The following PDE4D variants were observed in gnomAD, a reference collection of about 807,000 sequenced individuals.
PDE4D encodes phosphodiesterase 4D.
A neutral mutation model predicts 87.4 loss-of-function variants in PDE4D; 24 were observed. That is an observed-to-expected ratio of 0.27 (90% CI 0.20 to 0.39). The LOEUF (loss-of-function observed/expected upper bound fraction) is 0.39. PDE4D is among the 10% of genes least tolerant of loss of function. PDE4D has a pLI of 1.00. For synonymous variants in PDE4D, 384 were observed against 383.2 expected, an observed-to-expected ratio of 1.00 and a Z score of -0.02; for missense variants, 714 against 1,041.0, an observed-to-expected ratio of 0.69 and a Z score of 4.32.
rs571286543 is a variant in PDE4D at position 59,097,142 on chromosome 5, G to C, written c.809-58171C>G. 3.9e-5 allele frequency among the ~76,000 whole-genome samples: 6 copies of C among 152,252 alleles called. No individual in the cohort carries two copies. In the East Asian group the frequency reaches 1.2e-3, roughly 29 times the overall value. ...TTATATGGAATTGGCAAATGACAAG[G>C]ATTGTGATCATTGATACATGCAAGT... On this transcript the variant is annotated intron_variant, in intron 5 of 14. Transcript: ENST00000340635.
rs554514433 is a variant in PDE4D, at chr5:60,066,257, C to T, written c.43-77540G>A. 6.6e-3 allele frequency among the ~76,000 whole-genome samples: 1,005 copies of T among 152,096 alleles called. 10 individuals carry two copies. Among genetic ancestry groups the T allele is most frequent in the African/African-American group, 0.023 (975 of 41,492 alleles). On this transcript the variant is annotated intron_variant, in intron 2 of 16. Transcript: ENST00000502484. Reference sequence around the variant, plus strand: ...TCTTTTGAGAAGTGTCTGTTCATATCCTTCGCCCACTTTTTGATGGGGTTG... The same window carrying T: ...TCTTTTGAGAAGTGTCTGTTCATATTCTTCGCCCACTTTTTGATGGGGTTG...
At chr5:59,772,804 A>G (rs78110598) in intron 1 of PDE4D, among the ~76,000 whole-genome samples, 3,031 of 152,320 alleles carry the variant, frequency 0.02, 111 homozygotes, top group African/African-American at 0.07. Flanking sequence ...CATGGAAATG[A>G]CCTGATAGTG....
intron 5 of PDE4D, chr5:59,166,433 G>T (rs982498286): frequency 1.3e-5 from 2 of 152,156 alleles, no homozygotes; most frequent in African/African-American, 4.8e-5. Context: ...GCAAGGGAGG[G>T]TCTGTAGAAA....
chr5:59,487,013 G>T (rs1805267817), intron 1 of PDE4D, among the ~76,000 whole-genome samples: 1 of 152,164 alleles, frequency 6.6e-6, no homozygotes. Flanking sequence ...CCTAAGAGTT[G>T]TCTATCAGGA....
intron 1 of PDE4D, among the ~76,000 whole-genome samples, chr5:60,346,870 T>C (rs1758787990): frequency 6.6e-6 from 1 of 152,158 alleles, no homozygotes; most frequent in Admixed American, 6.6e-5. Flanking sequence ...AAAATTCCAA[T>C]GATGATATTC....
At chr5:60,449,356 A>C (rs1368612663) in intron 1 of PDE4D, among the ~76,000 whole-genome samples, 1 of 151,944 alleles carries the variant, frequency 6.6e-6, no homozygotes, top group East Asian at 1.9e-4. Flanking sequence ...TCTTCATAAT[A>C]ATTGGAAATC....
chr5:59,113,352 TCA>T (rs2153440467), intron 5 of PDE4D, among the ~76,000 whole-genome samples: 1 of 152,338 alleles, frequency 6.6e-6, no homozygotes, highest in African/African-American at 2.4e-5. Flanking sequence ...TGAAAATACA[TCA>T]ACATTTGCAC....
intron 1 of PDE4D, among the ~76,000 whole-genome samples, chr5:59,389,635 T>C (rs558754964): frequency 6.6e-6 from 1 of 152,206 alleles, no homozygotes; most frequent in East Asian, 1.9e-4. Context: ...ATATTAAAAG[T>C]ACACCTGCAC....
chr5:59,967,724 G>A (rs1007650631), intron 3 of PDE4D, among the ~76,000 whole-genome samples: 16 of 152,108 alleles, frequency 1.1e-4, no homozygotes, highest in Non-Finnish European at 2.1e-4. Context: ...ATTACCATTT[G>A]ACCCAGCAAT....
At chr5:59,876,271 TTAA>T (rs1265608816) in intron 1 of PDE4D, among the ~76,000 whole-genome samples, 1 of 152,156 alleles carries the variant, frequency 6.6e-6, no homozygotes, top group African/African-American at 2.4e-5. Context: ...GCCTCACAAA[TTAA>T]TAAATGATAG....
intron 1 of PDE4D, chr5:60,460,204 A>C: frequency 7.3e-6 from 11 of 1,501,338 alleles, no homozygotes; most frequent in Non-Finnish European, 1.0e-5. Context: ...TGAACATTTC[A>C]TCAAATCCTT....
intron 1 of PDE4D, among the ~76,000 whole-genome samples, chr5:59,871,841 C>T (rs528234528): frequency 2.6e-5 from 4 of 152,268 alleles, no homozygotes; most frequent in Middle Eastern, 3.4e-3. Flanking sequence ...CTAGAAACCT[C>T]GGGGTCATCA....
At chr5:59,439,573 A>G (rs1797289355) in intron 1 of PDE4D, among the ~76,000 whole-genome samples, 1 of 152,236 alleles carries the variant, frequency 6.6e-6, no homozygotes, top group Non-Finnish European at 1.5e-5. Context: ...AGCAAATAGA[A>G]CACATGCAAA....
intron 1 of PDE4D, among the ~76,000 whole-genome samples, chr5:60,329,010 T>G (rs1252263840): frequency 6.6e-6 from 1 of 152,246 alleles, no homozygotes; most frequent in Admixed American, 6.5e-5. Context: ...CCACATAATT[T>G]AGTTACTTTT....
At chr5:59,595,151 G>A (rs1826486835) in intron 1 of PDE4D, among the ~76,000 whole-genome samples, 1 of 152,100 alleles carries the variant, frequency 6.6e-6, no homozygotes, top group African/African-American at 2.4e-5. Flanking sequence ...ATTGCTATTT[G>A]TAATGTCAAT....
chr5:60,479,637 A>C (rs1748578927), intron 1 of PDE4D, among the ~76,000 whole-genome samples: 1 of 152,206 alleles, frequency 6.6e-6, no homozygotes, highest in Non-Finnish European at 1.5e-5. Context: ...ACTTTAGGCT[A>C]TACAGACCAT....
At chr5:59,425,394 C>T (rs893606053) in intron 1 of PDE4D, among the ~76,000 whole-genome samples, 31 of 152,216 alleles carry the variant, frequency 2.0e-4, no homozygotes, top group South Asian at 1.5e-3. Flanking sequence ...GAGAGGCTGT[C>T]GTGTGTATTA....
chr5:59,581,812 CAA>C (rs1824211661), intron 1 of PDE4D, among the ~76,000 whole-genome samples: 1 of 152,074 alleles, frequency 6.6e-6, no homozygotes, highest in South Asian at 2.1e-4. Context: ...CTGATGGCAA[CAA>C]AAGACAGTAA....
intron 5 of PDE4D, among the ~76,000 whole-genome samples, chr5:59,099,473 A>C (rs967868115): frequency 6.6e-6 from 1 of 152,206 alleles, no homozygotes; most frequent in Non-Finnish European, 1.5e-5. Context: ...TTTGGTTATA[A>C]AGTGAGAATC....
Sources: allele counts gnomAD v4.1 joint callset (sites outside exome capture counted in the v4.1 genomes callset), GRCh38; gene constraint gnomAD v4.1.1; transcripts MANE v1.5; gene names NCBI Gene and HGNC (gene_info 2026-07-23, HGNC 2026-07-21).